Variants in RBFOX3 observed in about 807,000 individuals in gnomAD.
RBFOX3 encodes the protein RNA binding fox-1 homolog 3.
Under a neutral mutation model 48.7 loss-of-function variants are expected in RBFOX3, and 17 were observed. The ratio of observed to expected loss-of-function variants is 0.35; its 90% CI spans 0.24 to 0.52. The LOEUF is 0.52. Ranked by LOEUF, RBFOX3 falls within the 20% of genes least tolerant of loss-of-function variation. The pLI is 0.94. For synonymous variants in RBFOX3, 212 were observed against 209.5 expected (o/e 1.01, Z -0.10); for missense variants, 382 against 497.5 (o/e 0.77, Z 2.21).
At chr17:79,464,336 GA>G (rs2076034331) in intron 2 of RBFOX3, among the ~76,000 whole-genome samples, 1 of 152,262 alleles carries the variant, frequency 6.6e-6, no homozygotes, top group South Asian at 2.1e-4. Flanking sequence ...GAGAAGAGGG[GA>G]ATGTTTACGT....
chr17:79,646,322 G>C, the RBFOX3 span, among the ~76,000 whole-genome samples: 1 of 152,180 alleles, frequency 6.6e-6, no homozygotes, highest in African/African-American at 2.4e-5. Flanking sequence ...GACATGAGAA[G>C]TTTAACCAAA....
the RBFOX3 span, among the ~76,000 whole-genome samples, chr17:79,652,580 AGGAGAGGAGAGGAG>A: frequency 1.5e-5 from 2 of 132,554 alleles, no homozygotes; most frequent in Non-Finnish European, 3.3e-5. Context: ...AGGAAAGGAG[AGGAGAGGAGAGGAG>A]AGGAGAGGAA....
At chr17:79,101,434 G>C in intron 9 of RBFOX3, 150 bp downstream of exon 9, 1 of 707,270 alleles carries the variant, frequency 1.4e-6, no homozygotes, top group South Asian at 1.7e-5. Flanking sequence ...GCTTCTGACC[G>C]GGAGCAGAGC....
At chr17:79,404,860 T>C (rs1337233890) in intron 2 of RBFOX3, among the ~76,000 whole-genome samples, 1 of 152,202 alleles carries the variant, frequency 6.6e-6, no homozygotes, top group Non-Finnish European at 1.5e-5. Context: ...CTATATGTGT[T>C]TGACCTCCCA....
rs1351682905 is a variant in RBFOX3 at position 79,204,520 on chromosome 17, G to C, written c.-34+31246C>G. ...AGCATTCAGTCAACGAGGTCGACGC[G>C]CTGGAACTACTTTGGTGGAGTATTA... On this transcript the variant is annotated intron_variant, in intron 4 of 14. Coordinates refer to ENST00000693108, the MANE Select transcript of RBFOX3 (RefSeq NM_001350451.2). The surrounding 1 kb of genome is among the most constrained non-coding windows in gnomAD (Gnocchi z 4.5). 6.6e-6 allele frequency among the ~76,000 whole-genome samples: 1 copy of C among 152,198 alleles called. No individual in the cohort carries two copies. The highest frequency in any genetic ancestry group is 6.5e-5 in the Admixed American group (1 of 15,278).
chr17:79,118,817 A>AT (rs1474494916), intron 4 of RBFOX3, among the ~76,000 whole-genome samples: 1 of 71,434 alleles, frequency 1.4e-5, no homozygotes, highest in African/African-American at 4.2e-5. Flanking sequence ...CAAAAAATAA[A>AT]AAAAAAAAAA....
chr17:79,606,505 C>T (rs1470083486), intron 1 of RBFOX3, among the ~76,000 whole-genome samples: 2 of 152,156 alleles, frequency 1.3e-5, no homozygotes, highest in Non-Finnish European at 2.9e-5. Context: ...GAGCTCGCCC[C>T]GAGCTACAAA....
chr17:79,125,814 C>T (rs958440800), intron 4 of RBFOX3, among the ~76,000 whole-genome samples: 4 of 152,228 alleles, frequency 2.6e-5, no homozygotes, highest in African/African-American at 7.2e-5. Flanking sequence ...TTCTCCAGCA[C>T]CTCTGGGCAA....
intron 3 of RBFOX3, among the ~76,000 whole-genome samples, chr17:79,269,279 C>T (rs565366114): frequency 5.9e-5 from 9 of 152,282 alleles, no homozygotes; most frequent in Admixed American, 5.9e-4. Context: ...GCAGCCCTGC[C>T]CACACCCTGA....
intron 2 of RBFOX3, among the ~76,000 whole-genome samples, chr17:79,466,115 G>A (rs1555753570): frequency 2.6e-5 from 4 of 152,186 alleles, no homozygotes; most frequent in South Asian, 4.1e-4. Context: ...TCCCAGACCC[G>A]GCCTCTGCTG....
At chr17:79,158,234 A>G (rs1388496514) in intron 4 of RBFOX3, among the ~76,000 whole-genome samples, 1 of 152,206 alleles carries the variant, frequency 6.6e-6, no homozygotes, top group African/African-American at 2.4e-5. Flanking sequence ...TCAAACTCCC[A>G]GCCTTCAGAA....
At chr17:79,330,063 GA>G (rs2079987801) in intron 2 of RBFOX3, among the ~76,000 whole-genome samples, 1 of 152,224 alleles carries the variant, frequency 6.6e-6, no homozygotes, top group Non-Finnish European at 1.5e-5. Flanking sequence ...AAGCTGGGCA[GA>G]AAAACTGACC....
chr17:79,582,929 G>C (rs1224079734), intron 1 of RBFOX3, among the ~76,000 whole-genome samples: 2 of 151,906 alleles, frequency 1.3e-5, no homozygotes, highest in Non-Finnish European at 2.9e-5. Flanking sequence ...CAGCCTCCCA[G>C]AGCCATGGAC....
chr17:79,522,084 C>T (rs1040386809), intron 1 of RBFOX3, among the ~76,000 whole-genome samples: 21 of 152,180 alleles, frequency 1.4e-4, no homozygotes, highest in Admixed American at 9.8e-4. Flanking sequence ...TGGAAAAACT[C>T]GGGCAACTGG....
chr17:79,463,014 T>C (rs1342475348), intron 2 of RBFOX3, among the ~76,000 whole-genome samples: 65 of 110,566 alleles, frequency 5.9e-4, no homozygotes, highest in Non-Finnish European at 9.1e-4. Context: ...TCCACCACCA[T>C]TGCCACTGAC....
intron 2 of RBFOX3, among the ~76,000 whole-genome samples, chr17:79,337,940 G>A (rs1377485416): frequency 6.9e-6 from 1 of 145,210 alleles, no homozygotes; most frequent in South Asian, 2.2e-4. Flanking sequence ...TACTTCTCCA[G>A]ATTTTTTTTT....
intron 4 of RBFOX3, among the ~76,000 whole-genome samples, chr17:79,190,049 C>T (rs1474316445): frequency 1.3e-5 from 2 of 152,270 alleles, no homozygotes; most frequent in Non-Finnish European, 2.9e-5. Flanking sequence ...GGTACCCCCA[C>T]TTGCTCTCCT....
At chr17:79,622,307 G>A in the RBFOX3 span, among the ~76,000 whole-genome samples, 3 of 152,126 alleles carry the variant, frequency 2.0e-5, no homozygotes, top group African/African-American at 7.2e-5. Context: ...GTTCCAACCT[G>A]CTCTTGGAGA....
At chr17:79,632,832 C>T in the RBFOX3 span, among the ~76,000 whole-genome samples, 14 of 151,748 alleles carry the variant, frequency 9.2e-5, no homozygotes, top group East Asian at 2.1e-3. Context: ...AGGAGGATGG[C>T]TTGGGCCTGG....
Sources: gnomAD v4.1 joint callset for allele counts (sites outside exome capture counted in the v4.1 genomes callset) on GRCh38, gnomAD v4.1.1 for gene constraint, Gnocchi (gnomAD v3.1) non-coding constraint, MANE v1.5 for transcripts, NCBI Gene and HGNC (gene_info 2026-07-23, HGNC 2026-07-21) for gene names.